CUBN: variants seen among roughly 807,000 people sequenced by gnomAD.
The protein encoded by CUBN is cubilin.
CUBN carries 282 observed loss-of-function variants against 405.3 expected under a neutral mutation model. The observed-to-expected ratio is 0.70, with a 90% CI of 0.63 to 0.77. The LOEUF (loss-of-function observed/expected upper bound fraction) is 0.77, where lower values mean the gene tolerates loss of function less well. Ranked by LOEUF, CUBN falls within the 30% of genes least tolerant of loss-of-function variation. The probability of loss-of-function intolerance (pLI) is 0.00; values close to 1 mark genes in which losing one functional copy is unlikely to be tolerated. For synonymous variants in CUBN, 1,684 were observed against 1,617.0 expected (o/e 1.04, Z -0.99); for missense variants, 4,514 against 4,475.2 (o/e 1.01, Z -0.25).
chr10:16,856,517 C>G (rs1839872515), intron 59 of CUBN, among the ~76,000 whole-genome samples: 1 of 152,162 alleles, frequency 6.6e-6, no homozygotes, highest in African/African-American at 2.4e-5. Flanking sequence ...AATGACTAAA[C>G]CTCAGAGTGA....
chr10:16,930,932 G>T, intron 40 of CUBN, among the ~76,000 whole-genome samples: 1 of 152,232 alleles, frequency 6.6e-6, no homozygotes, highest in South Asian at 2.1e-4. Flanking sequence ...GGCTGGCTGG[G>T]CAAAGAACAA....
chr10:17,045,548 C>T lies in CUBN; in HGVS notation c.3491-360G>A, dbSNP rs529476202. ...CTAATTTTTGTATTTTTAGTAGAGA[C>T]GGGGTTGGCCAGTAGAGACTATGTT... On this transcript the variant is annotated intron_variant, in intron 24 of 66. Coordinates refer to ENST00000377833, the MANE Select transcript of CUBN (RefSeq NM_001081.4). Among the ~76,000 whole-genome samples the T allele has an allele frequency of 4.9e-4, 74 of 151,738 alleles. No individual in the cohort carries two copies. In the South Asian group the frequency reaches 0.012, roughly 25 times the overall value.
chr10:16,936,404 C>G (rs1205323713), intron 39 of CUBN, among the ~76,000 whole-genome samples: 1 of 152,140 alleles, frequency 6.6e-6, no homozygotes, highest in Non-Finnish European at 1.5e-5. Flanking sequence ...TATTCAGTGT[C>G]ATGAAAGCAC....
In CUBN at chr10:16,839,516, A is replaced by G. The variant is rs1305056965; in HGVS notation, c.10032+814T>C. Among the ~76,000 whole-genome samples the G allele has an allele frequency of 1.2e-4, 17 of 139,546 alleles. No homozygotes were observed. In the Admixed American group the frequency reaches 1.3e-3, roughly 11 times the overall value. 91.5% of individuals were successfully genotyped at this position (139,546 alleles called of 152,430 possible). ...AAATGCAAATCAAAACCACAATGAG[A>G]TACCATCTCACACCAGTTAGAATGG... is the stretch of plus-strand genomic sequence containing the variant. On this transcript the variant is annotated intron_variant, in intron 62 of 66. Coordinates refer to ENST00000377833, the MANE Select transcript of CUBN (RefSeq NM_001081.4).
chr10:16,883,884 G>A (rs376629506), intron 56 of CUBN, among the ~76,000 whole-genome samples: 27 of 152,334 alleles, frequency 1.8e-4, no homozygotes, highest in African/African-American at 5.3e-4. Context: ...AGTTTACGGC[G>A]TGTAGAATTT....
chr10:17,058,462 A>G (rs376766086), intron 22 of CUBN, among the ~76,000 whole-genome samples: 8 of 152,116 alleles, frequency 5.3e-5, no homozygotes, highest in African/African-American at 1.7e-4. Flanking sequence ...TAAATAATTC[A>G]GATATCTAAT....
At chr10:16,865,474 AG>A (rs1840154328) in intron 59 of CUBN, among the ~76,000 whole-genome samples, 1 of 145,628 alleles carries the variant, frequency 6.9e-6, no homozygotes, top group Non-Finnish European at 1.5e-5. Context: ...TCTGGGCAAC[AG>A]GGGCTGGCTG....
intron 59 of CUBN, among the ~76,000 whole-genome samples, chr10:16,867,379 C>T (rs1300644788): frequency 2.0e-5 from 3 of 152,166 alleles, no homozygotes; most frequent in Admixed American, 1.3e-4. Context: ...ATTGTTCCTT[C>T]CCCCTCTCCT....
At chr10:17,108,864 A>G (rs1007906575) in intron 10 of CUBN, among the ~76,000 whole-genome samples, 10 of 152,212 alleles carry the variant, frequency 6.6e-5, no homozygotes, top group African/African-American at 2.4e-4. Context: ...TAGTACATAA[A>G]GAAACTTTAC....
Position 16,907,600 on chromosome 10 carries a change from G to T in CUBN, c.7613C>A (p.Ser2538Tyr). 6.2e-7 allele frequency: 1 copy of T among 1,613,596 alleles called. No individual in the cohort carries two copies. Among genetic ancestry groups the T allele is most frequent in the Non-Finnish European group, 8.5e-7 (1 of 1,180,012 alleles). ...AATGACTTTCATTGTGTTTCCTGAA[G>T]ATTTAATCTCATTGCTTACATTCAC... Reference protein sequence around the residue: ...SSVNVSNEIKSSGNTMKVIFF... With the variant: ...SSVNVSNEIKYSGNTMKVIFF... The change falls in exon 49 of 67, where the codon TCT becomes TAT. Residue 2538 changes from serine (S) to tyrosine (Y), a missense_variant. This residue lies in a region of CUBN where 1,613 missense variants were observed against 1,542.8 expected (regional missense o/e 1.05). Coordinates refer to ENST00000377833, the MANE Select transcript of CUBN (RefSeq NM_001081.4).
intron 56 of CUBN, among the ~76,000 whole-genome samples, chr10:16,877,984 T>C (rs1362701107): frequency 6.6e-6 from 1 of 152,230 alleles, no homozygotes; most frequent in Non-Finnish European, 1.5e-5. Flanking sequence ...TGATTAAATA[T>C]TCTTCTAAAA....
intron 27 of CUBN, among the ~76,000 whole-genome samples, chr10:17,040,065 A>G (rs1342270836): frequency 1.3e-5 from 2 of 152,166 alleles, no homozygotes; most frequent in Non-Finnish European, 2.9e-5. Flanking sequence ...CAAGAATAAC[A>G]TATTTTTTCC....
intron 45 of CUBN, among the ~76,000 whole-genome samples, chr10:16,916,783 C>A (rs987070761): frequency 6.6e-6 from 1 of 151,472 alleles, no homozygotes; most frequent in Non-Finnish European, 1.5e-5. Context: ...GCTGAAGAGG[C>A]ATATTTGCTT....
chr10:16,845,980 A>G (rs891868411), intron 60 of CUBN, among the ~76,000 whole-genome samples: 5 of 152,204 alleles, frequency 3.3e-5, no homozygotes, highest in Non-Finnish European at 5.9e-5. Flanking sequence ...CAAAGTGAAG[A>G]TTTTTGTCCC....
chr10:17,047,516 T>C lies in CUBN; in HGVS notation c.3227A>G (p.Tyr1076Cys). Residue 1076 changes from tyrosine to cysteine, a missense_variant, in exon 23 of 67, where the codon TAT becomes TGT. Around this residue, in one of 5 missense-constraint regions of CUBN, gnomAD observed 1,448 missense variants for 1,388.0 expected, o/e 1.04. Coordinates refer to ENST00000377833, the MANE Select transcript of CUBN (RefSeq NM_001081.4). ...TTGGCCAGTTCTCACTGTGATCCGA[T>C]AAATGCATTCCCAGTTGTTGGGATA... is the stretch of plus-strand genomic sequence containing the variant. ...NNYPNNWECI[Y>C]RITVRTGQLI... 2 of 1,613,986 alleles carry C rather than the reference T, an allele frequency of 1.2e-6. No individual in the cohort carries two copies. The highest frequency in any genetic ancestry group is 1.7e-6 in the Non-Finnish European group (2 of 1,179,856).
Position 16,900,804 on chromosome 10 carries a change from C to G in CUBN, c.8231G>C (p.Trp2744Ser), listed in dbSNP as rs983265041. The G allele has an allele frequency of 1.2e-6, 2 of 1,613,924 alleles. No individual in the cohort carries two copies. Among genetic ancestry groups the G allele is most frequent in the Admixed American group, 1.7e-5 (1 of 59,980 alleles). ...ACCATTCCTGACAGTGACAGAGTCC[C>G]AAGCACAAGTTGTATGGGGTTCAAT... ...FDIEPHTTCA[W>S]DSVTVRNGGS... Residue 2744 changes from tryptophan (W) to serine (S), a missense_variant, in exon 53 of 67, where the codon TGG (tryptophan) becomes TCG (serine). By Grantham distance (177) the Trp-to-Ser change is radical (BLOSUM62 -3). This residue lies in a region of CUBN where 1,186 missense variants were observed against 1,186.9 expected (regional missense o/e 1.00). Transcript: ENST00000377833.
chr10:16,898,284 C>A (rs1317720852), intron 54 of CUBN, among the ~76,000 whole-genome samples: 1 of 152,064 alleles, frequency 6.6e-6, no homozygotes, highest in African/African-American at 2.4e-5. Context: ...AACAGCCCCA[C>A]TGAAGAAGGA....
In CUBN at chr10:16,874,280, G is replaced by A. The variant is rs145572921; in HGVS notation, c.9236+94C>T. The A allele has an allele frequency of 1.0e-3, 1,335 of 1,305,986 alleles. 8 individuals are homozygous for A. The African/African-American group carries it at 0.015, about 15-fold the overall frequency. The allele number at this position is 1,305,986 out of a possible 1,614,324, so 80.9% of individuals were successfully genotyped here. A position where few individuals can be genotyped will look rare whatever the true frequency, so the allele number is the denominator to read the frequency against. On this transcript the variant is annotated intron_variant, in intron 58 of 66. Coordinates refer to ENST00000377833, the MANE Select transcript of CUBN (RefSeq NM_001081.4). ...TGTGTAGATTTCCCTCCAGACTGCC[G>A]ATGAGAATCAGTGCCCTCCATCAAT...
rs1433962278 is a variant in CUBN at position 17,075,056 on chromosome 10, A to C, written c.2302-3085T>G. ...CCAAGGCAAACAGGTAGTAAAGAGA[A>C]GATTTTTCTTTGTTTTCTTTTTTTT... is the stretch of plus-strand genomic sequence containing the variant. On this transcript the variant is annotated intron_variant, in intron 17 of 66. Transcript: ENST00000377833. 2.0e-5 allele frequency among the ~76,000 whole-genome samples: 3 copies of C among 149,176 alleles called. 1 individual carries two copies. Among genetic ancestry groups the C allele is most frequent in the South Asian group, 4.3e-4 (2 of 4,680 alleles).
Sources: allele counts gnomAD v4.1 joint callset (sites outside exome capture counted in the v4.1 genomes callset), GRCh38; gene constraint gnomAD v4.1.1; regional missense constraint gnomAD v4.1.1; transcripts MANE v1.5; gene names NCBI Gene and HGNC (gene_info 2026-07-23, HGNC 2026-07-21).